SNURF: variants seen among roughly 807,000 people sequenced by gnomAD.
SNURF encodes the protein SNRPN upstream open reading frame.
Under a neutral mutation model 11.6 loss-of-function variants are expected in SNURF, and 6 were observed. The observed-to-expected ratio is 0.52, with a 90% CI of 0.28 to 1.02. The LOEUF is 1.02. Ranked by LOEUF, SNURF falls within the 50% of genes least tolerant of loss-of-function variation. The pLI, the probability that SNURF is intolerant of heterozygous loss-of-function variation, is 0.09. For synonymous variants in SNURF, 29 were observed against 31.6 expected (o/e 0.92, Z 0.27); for missense variants, 84 against 88.4 (o/e 0.95, Z 0.20).
rs1350954070 is a variant in SNURF, at chr15:24,968,285, T to A, written c.*248T>A. 5 of 432,782 alleles carry A rather than the reference T, an allele frequency of 1.2e-5. No homozygotes were observed. The East Asian group carries it at 2.1e-4, about 19-fold the overall frequency. The allele number at this position is 432,782 out of a possible 1,614,324, so 26.8% of individuals were successfully genotyped here. A position where few individuals can be genotyped will look rare whatever the true frequency, so the allele number is the denominator to read the frequency against. The stretch of plus-strand genomic sequence containing the variant: ...CGTCATGTTTCTGTATTCCAGTTAT[T>A]GTAGCGCATGCTTTTCAGGTAGTTT... On this transcript the variant is annotated 3_prime_UTR_variant, in exon 3 of 3. Coordinates refer to ENST00000577949, the Ensembl canonical transcript of SNURF.
chr15:24,961,693 ATATAAG>A (rs1219801240), intron 1 of SNURF, among the ~76,000 whole-genome samples: 9 of 152,204 alleles, frequency 5.9e-5, no homozygotes, highest in Admixed American at 5.2e-4. Flanking sequence ...CTATTCCACT[ATATAAG>A]TATGTCTACT....
downstream of SNURF, among the ~76,000 whole-genome samples, chr15:24,969,474 C>G (rs1022324405): frequency 5.3e-5 from 8 of 152,154 alleles, no homozygotes; most frequent in Admixed American, 5.2e-4. Flanking sequence ...CTGAGAAATC[C>G]TCCTTTCTTG....
intron 2 of SNURF, among the ~76,000 whole-genome samples, chr15:24,964,213 A>G (rs993419595): frequency 6.6e-6 from 1 of 151,960 alleles, no homozygotes; most frequent in Non-Finnish European, 1.5e-5. Flanking sequence ...TTTTGTTTGT[A>G]TATTGGTAAA....
intron 2 of SNURF, among the ~76,000 whole-genome samples, chr15:24,963,127 T>G (rs2153500474): frequency 6.6e-6 from 1 of 152,294 alleles, no homozygotes; most frequent in African/African-American, 2.4e-5. Flanking sequence ...GAAGTTTGTG[T>G]GCATACGACA....
intron 6 of SNURF, among the ~76,000 whole-genome samples, chr15:24,977,395 TTGGG>T (rs202036548): frequency 0.02 from 3,104 of 152,172 alleles, 46 homozygotes; most frequent in South Asian, 0.037. Flanking sequence ...ATCCAGCACT[TTGGG>T]AGGCCGAGGT....
intron 4 of SNURF, chr15:24,975,532 G>A: frequency 6.2e-7 from 1 of 1,606,152 alleles, no homozygotes; most frequent in Non-Finnish European, 8.5e-7. Context: ...TGGGCAAATG[G>A]GGGTTGGACA....
chr15:24,976,563 C>G (rs1176883326), intron 5 of SNURF: 5 of 686,586 alleles, frequency 7.3e-6, no homozygotes, highest in Admixed American at 3.2e-5. Flanking sequence ...TGTTGGTTGC[C>G]TATGCTATTC....
intron 3 of SNURF, chr15:24,974,881 A>G (rs1052407032): frequency 7.1e-6 from 5 of 702,034 alleles, no homozygotes; most frequent in Non-Finnish European, 1.3e-5. Flanking sequence ...ATGTTTCATG[A>G]TGTGAGAAAA....
chr15:24,959,516 C>A (rs1026451779), intron 1 of SNURF, among the ~76,000 whole-genome samples: 1 of 152,134 alleles, frequency 6.6e-6, no homozygotes, highest in Non-Finnish European at 1.5e-5. Context: ...ATGGCTATTT[C>A]CTCAGTTGAC....
intron 2 of SNURF, among the ~76,000 whole-genome samples, chr15:24,967,513 G>T (rs2075813985): frequency 6.6e-6 from 1 of 151,986 alleles, no homozygotes; most frequent in Admixed American, 6.6e-5. Flanking sequence ...GTGGTGGCAG[G>T]CACCTGTAGT....
At chr15:24,968,303 G>C in exon 3 of SNURF, 1 of 346,130 alleles carries the variant, frequency 2.9e-6, no homozygotes, top group Non-Finnish European at 5.3e-6. Flanking sequence ...ATGCTTTTCA[G>C]GTAGTTTTCT....
chr15:24,969,227 C>G (rs2076085777), downstream of SNURF, among the ~76,000 whole-genome samples: 1 of 152,090 alleles, frequency 6.6e-6, no homozygotes, highest in Non-Finnish European at 1.5e-5. Context: ...CTCCCAGGTT[C>G]AACTGATTTT....
At chr15:24,973,742 G>T (rs539880786), downstream of SNURF, among the ~76,000 whole-genome samples, 1 of 152,110 alleles carries the variant, frequency 6.6e-6, no homozygotes. Context: ...CTTGATCTAT[G>T]AAAGTTGTTT....
At chr15:24,975,338 T>G (rs2076947371) in intron 3 of SNURF, 1 of 1,607,698 alleles carries the variant, frequency 6.2e-7, no homozygotes, top group Non-Finnish European at 8.5e-7. Flanking sequence ...TGAACATGAC[T>G]CTTGTCTTAC....
At position 24,976,463 on chromosome 15, in the gene SNURF, C is replaced by G. The variant is rs537922166; in HGVS notation, c.*309+47C>G. On this transcript the variant is annotated intron_variant and NMD_transcript_variant, in intron 5 of 6. Coordinates refer to the SNURF transcript ENST00000580062. Reference sequence around the variant, plus strand: ...ACAGAACTTTAATTTGCAGGGACATCATATTATGTGAGATGTCTGAAATCA... The same window carrying G: ...ACAGAACTTTAATTTGCAGGGACATGATATTATGTGAGATGTCTGAAATCA... 10 of 1,252,712 alleles carry G rather than the reference C, an allele frequency of 8.0e-6. No homozygotes were observed. In the South Asian group the frequency reaches 1.1e-4, roughly 14 times the overall value. The allele number at this position is 1,252,712 out of a possible 1,614,324, so 77.6% of individuals were successfully genotyped here. A position where few individuals can be genotyped will look rare whatever the true frequency, so the allele number is the denominator to read the frequency against.
intron 1 of SNURF, among the ~76,000 whole-genome samples, chr15:24,961,793 T>C (rs1196629089): frequency 6.6e-6 from 1 of 152,170 alleles, no homozygotes; most frequent in Non-Finnish European, 1.5e-5. Context: ...AGTGGTGGTA[T>C]GTATGTATCT....
chr15:24,955,022 T>G (rs540110981), exon 1 of SNURF: 1 of 1,612,742 alleles, frequency 6.2e-7, no homozygotes, highest in Non-Finnish European at 8.5e-7. Flanking sequence ...GCCTGACGCA[T>G]CTGTCTGAGG....
intron 3 of SNURF, chr15:24,974,770 G>T (rs1566974731): frequency 1.1e-5 from 7 of 616,498 alleles, no homozygotes; most frequent in Non-Finnish European, 1.1e-5. Flanking sequence ...TGTTGGCCAG[G>T]CTGGTCTCAG....
chr15:24,957,601 C>T (rs938330543), intron 1 of SNURF, among the ~76,000 whole-genome samples: 1 of 152,122 alleles, frequency 6.6e-6, no homozygotes, highest in Non-Finnish European at 1.5e-5. Context: ...ACTGGTATGT[C>T]TGGTTGCACT....
Sources: gnomAD v4.1 joint callset for allele counts (sites outside exome capture counted in the v4.1 genomes callset) on GRCh38, gnomAD v4.1.1 for gene constraint, MANE v1.5 for transcripts, NCBI Gene and HGNC (gene_info 2026-07-23, HGNC 2026-07-21) for gene names.